Variants in MAOA observed in about 807,000 individuals in gnomAD.
MAOA encodes the protein amine oxidase [flavin-containing] A.
In MAOA, 6 loss-of-function variants were observed where a neutral mutation model predicts 42.0. That is an observed-to-expected ratio of 0.14 (90% CI 0.08 to 0.28). The LOEUF (loss-of-function observed/expected upper bound fraction) is 0.28. Among genes scored for constraint, MAOA ranks in the 10% least tolerant of loss-of-function variants. The pLI is 1.00. For missense variants in MAOA, 262 were observed against 422.3 expected, an observed-to-expected ratio of 0.62 and a Z score of 3.33; for synonymous variants, 140 against 154.0, an observed-to-expected ratio of 0.91 and a Z score of 0.67.
intron 2 of MAOA, among the ~76,000 whole-genome samples, chrX:43,689,235 C>T: frequency 9.0e-6 from 1 of 111,645 alleles, no homozygotes; most frequent in East Asian, 2.8e-4. Flanking sequence ...GCTGCCACCA[C>T]ACCCAACTAA....
chrX:43,668,043 C>T, intron 1 of MAOA, among the ~76,000 whole-genome samples: 1 of 111,836 alleles, frequency 8.9e-6, no homozygotes, highest in Non-Finnish European at 1.9e-5. Context: ...ATTGCTGGAT[C>T]AAAGGGAGGT....
At chrX:43,732,530 T>C (rs1046371917) in intron 8 of MAOA, among the ~76,000 whole-genome samples, 169 bp from the exon 9 acceptor site, 3 of 98,066 alleles carry the variant, frequency 3.1e-5, no homozygotes, top group Non-Finnish European at 6.1e-5. Context: ...TGAATAGACA[T>C]CCTTATATAT....
chrX:43,714,510 G>A (rs899783318), intron 5 of MAOA, among the ~76,000 whole-genome samples: 10 of 110,716 alleles, frequency 9.0e-5, no homozygotes, highest in African/African-American at 3.3e-4. Flanking sequence ...AAAGATGGAT[G>A]TTGCGGGGAT....
Position 43,728,257 on chromosome X carries a change from G to T in MAOA, c.588G>T (p.Trp196Cys), listed in dbSNP as rs2033854719. Residue 196 changes from tryptophan to cysteine, a missense_variant, in exon 6 of 15, where the codon TGG becomes TGT. Around this residue, in one of 3 missense-constraint regions of MAOA, gnomAD observed 141 missense variants for 195.6 expected, o/e 0.72. Transcript: ENST00000338702. ...AAGTGTCTGCCCTGTGGTTCTTGTG[G>T]TATGTGAAGCAGTGCGGGGGCACCA... Reference protein sequence around the residue: ...PHEVSALWFLWYVKQCGGTTR... With the variant: ...PHEVSALWFLCYVKQCGGTTR... 8.3e-7 allele frequency: 1 copy of T among 1,210,950 alleles called. No individual in the cohort carries two copies.
chrX:43,713,578 A>C (rs772142538), intron 5 of MAOA, among the ~76,000 whole-genome samples: 26 of 112,200 alleles, frequency 2.3e-4, no homozygotes, highest in Non-Finnish European at 3.9e-4. Flanking sequence ...ATGTCTTATT[A>C]GTTTATGTGG....
chrX:43,676,061 G>A (rs1318503788), intron 1 of MAOA, among the ~76,000 whole-genome samples: 1 of 112,371 alleles, frequency 8.9e-6, no homozygotes, highest in Non-Finnish European at 1.9e-5. Context: ...AGCCTACAGA[G>A]GCAGGCAGGC....
At chrX:43,719,253 G>A (rs1311418388) in intron 5 of MAOA, among the ~76,000 whole-genome samples, 2 of 111,441 alleles carry the variant, frequency 1.8e-5, no homozygotes, top group African/African-American at 6.5e-5. Context: ...TAGGAAGGTT[G>A]CATGGTGTGG....
intron 5 of MAOA, among the ~76,000 whole-genome samples, chrX:43,724,240 G>A (rs1355298985): frequency 1.8e-5 from 2 of 111,723 alleles, no homozygotes; most frequent in African/African-American, 6.5e-5. Context: ...GATTGGAATA[G>A]TTTCAGAAGG....
chrX:43,665,356 G>T (rs1341475836), intron 1 of MAOA, among the ~76,000 whole-genome samples: 1 of 111,125 alleles, frequency 9.0e-6, no homozygotes, highest in African/African-American at 3.3e-5. Flanking sequence ...ACAGTATATG[G>T]TGTCTCAACT....
intron 3 of MAOA, among the ~76,000 whole-genome samples, chrX:43,698,076 T>C (rs2033594825): frequency 8.9e-6 from 1 of 112,200 alleles, no homozygotes; most frequent in South Asian, 3.7e-4. Context: ...TCTAATACAG[T>C]CAATATTCGT....
chrX:43,672,113 T>C (rs951254903), intron 1 of MAOA, among the ~76,000 whole-genome samples: 2 of 111,714 alleles, frequency 1.8e-5, no homozygotes, highest in African/African-American at 6.5e-5. Context: ...TCCTCTTTTA[T>C]TTCATTGAGC....
At chrX:43,729,379 A>G (rs2033862919) in intron 6 of MAOA, among the ~76,000 whole-genome samples, 1 of 112,378 alleles carries the variant, frequency 8.9e-6, no homozygotes, top group Non-Finnish European at 1.9e-5. Flanking sequence ...CTTTTGGAAA[A>G]TATGGTTCAG....
chrX:43,660,823 A>G (rs1033591149), intron 1 of MAOA, among the ~76,000 whole-genome samples: 9 of 112,141 alleles, frequency 8.0e-5, no homozygotes, highest in African/African-American at 2.6e-4. Flanking sequence ...TGCCACAGAT[A>G]CAATAAATGA....
chrX:43,662,813 G>GT (rs747100419), intron 1 of MAOA, among the ~76,000 whole-genome samples: 65 of 105,686 alleles, frequency 6.2e-4, no homozygotes, highest in Middle Eastern at 9.7e-3. Flanking sequence ...TAATGATAGG[G>GT]TTTTTTTTTT....
chrX:43,731,928 G>A, intron 8 of MAOA, 75 bp downstream of exon 8: 1 of 953,303 alleles, frequency 1.0e-6, no homozygotes. Flanking sequence ...TGAACAGAAG[G>A]TATTGAACAG....
intron 2 of MAOA, among the ~76,000 whole-genome samples, chrX:43,689,477 T>G (rs1012234902): frequency 1.1e-4 from 12 of 111,200 alleles, no homozygotes; most frequent in Non-Finnish European, 2.3e-4. Context: ...CAGACCAATG[T>G]TTTTCAGACA....
chrX:43,746,634 A>G lies in MAOA; in HGVS notation c.*2121A>G, dbSNP rs1347697799. On this transcript the variant is annotated 3_prime_UTR_variant, in exon 15 of 15. Coordinates refer to ENST00000338702, the MANE Select transcript of MAOA (RefSeq NM_000240.4). Reference sequence around the variant, plus strand: ...AAGGCCTCATCCTCCACTGAAGAGTATGGATTGAAGGATTGTGAACTATGT... The same window carrying G: ...AAGGCCTCATCCTCCACTGAAGAGTGTGGATTGAAGGATTGTGAACTATGT... 1 of 112,035 alleles carries G rather than the reference A, an allele frequency of 8.9e-6. No homozygotes were observed. Among genetic ancestry groups the G allele is most frequent in the African/African-American group, 3.2e-5 (1 of 30,773 alleles). The allele number at this position is 112,035 out of a possible 1,213,427, so 9.2% of individuals were successfully genotyped here. A position where few individuals can be genotyped will look rare whatever the true frequency, so the allele number is the denominator to read the frequency against.
chrX:43,686,015 C>T (rs962372197), intron 2 of MAOA, among the ~76,000 whole-genome samples: 1 of 111,816 alleles, frequency 8.9e-6, no homozygotes, highest in South Asian at 3.8e-4. Context: ...TAAATGTCCT[C>T]GAAGAAACTC....
intron 3 of MAOA, among the ~76,000 whole-genome samples, chrX:43,710,440 G>A (rs1346991795): frequency 1.8e-5 from 2 of 112,538 alleles, no homozygotes; most frequent in Non-Finnish European, 3.7e-5. Context: ...ACACGTGTTT[G>A]TGATGTCTTG....
Sources: gnomAD v4.1 joint callset for allele counts (sites outside exome capture counted in the v4.1 genomes callset) on GRCh38, gnomAD v4.1.1 for gene constraint, gnomAD v4.1.1 regional missense constraint, MANE v1.5 for transcripts, NCBI Gene and HGNC (gene_info 2026-07-23, HGNC 2026-07-21) for gene names.